The following CD109 variants were observed in gnomAD, a reference collection of about 807,000 sequenced individuals.
CD109 encodes the protein CD109 molecule, also known as CD109 antigen.
Under a neutral mutation model 165.8 loss-of-function variants are expected in CD109, and 149 were observed. That is an observed-to-expected ratio of 0.90 (90% CI 0.79 to 1.03). The LOEUF is 1.03. Among genes scored for constraint, CD109 ranks in the 50% least tolerant of loss-of-function variants. The probability of loss-of-function intolerance (pLI) is 0.00; values close to 1 mark genes in which losing one functional copy is unlikely to be tolerated. For synonymous variants in CD109, 585 were observed against 592.1 expected, an observed-to-expected ratio of 0.99 and a Z score of 0.18; for missense variants, 1,712 against 1,677.8, an observed-to-expected ratio of 1.02 and a Z score of -0.36.
chr6:73,681,888 C>T, the CD109 span, among the ~76,000 whole-genome samples: 1 of 152,096 alleles, frequency 6.6e-6, no homozygotes, highest in Non-Finnish European at 1.5e-5. Context: ...CAGGTCTGAG[C>T]CACCGCACCT....
intron 2 of CD109, among the ~76,000 whole-genome samples, chr6:73,706,549 G>A (rs1190089074): frequency 2.0e-5 from 3 of 152,174 alleles, no homozygotes; most frequent in African/African-American, 7.2e-5. Context: ...AACTTGTCTA[G>A]GAGGATTAAA....
At chr6:73,806,723 G>C in intron 24 of CD109, 121 bp from the exon 25 acceptor site, 1 of 661,078 alleles carries the variant, frequency 1.5e-6, no homozygotes, top group Non-Finnish European at 2.5e-6. Context: ...TCCATCTTCA[G>C]TGATTCCCCC....
intron 14 of CD109, 62 bp downstream of exon 14, chr6:73,768,293 A>T: frequency 3.0e-6 from 3 of 1,010,108 alleles, no homozygotes; most frequent in Non-Finnish European, 4.4e-6. Context: ...TGAGAAATGT[A>T]ATATTTCTTT....
chr6:73,803,119 C>T (rs114801299), intron 23 of CD109, 101 bp from the exon 24 acceptor site: 1 of 767,138 alleles, frequency 1.3e-6, no homozygotes, highest in African/African-American at 1.8e-5. Flanking sequence ...TCTTCTTTCC[C>T]CCTCTCTGCC....
chr6:73,799,858 ATT>A (rs567805191), intron 23 of CD109, among the ~76,000 whole-genome samples: 100 of 142,444 alleles, frequency 7.0e-4, no homozygotes, highest in African/African-American at 2.0e-3. Flanking sequence ...TCCCCCCGCA[ATT>A]TTTTTTTTTT....
At chr6:73,805,605 TC>T (rs1443102530) in intron 24 of CD109, among the ~76,000 whole-genome samples, 1 of 152,178 alleles carries the variant, frequency 6.6e-6, no homozygotes, top group East Asian at 1.9e-4. Context: ...GTCAGGTCTT[TC>T]CCTTCCCACG....
chr6:73,820,619 T>C (rs1776075516), intron 32 of CD109, 56 bp downstream of exon 32: 2 of 1,086,762 alleles, frequency 1.8e-6, no homozygotes, highest in Admixed American at 4.2e-5. Context: ...CATTCATTCA[T>C]TTATTGGAAG....
In CD109 at chr6:73,733,261, G is replaced by A. The variant is rs181903191; in HGVS notation, c.507+2687G>A. Among the ~76,000 whole-genome samples the A allele has an allele frequency of 6.6e-5, 10 of 152,304 alleles. No individual in the cohort carries two copies. The East Asian group carries it at 1.9e-3, about 29-fold the overall frequency. On this transcript the variant is annotated intron_variant, in intron 4 of 32. Coordinates refer to ENST00000287097, the MANE Select transcript of CD109 (RefSeq NM_133493.5). The stretch of plus-strand genomic sequence containing the variant: ...TGAGACAGTTGTACTCCTTGGCACA[G>A]CACCACCTGCAGGCTGATGTGGAGA...
At chr6:73,717,705 C>T (rs568300139) in intron 2 of CD109, among the ~76,000 whole-genome samples, 9 of 149,186 alleles carry the variant, frequency 6.0e-5, no homozygotes, top group South Asian at 2.2e-4. Flanking sequence ...CTGCAAACTC[C>T]GCCTCCCGGG....
chr6:73,802,257 ATG>A (rs533767572), intron 23 of CD109, among the ~76,000 whole-genome samples: 1,952 of 100,192 alleles, frequency 0.019, 55 homozygotes, highest in African/African-American at 0.049. Context: ...GCATGTGTAT[ATG>A]TGTGTGTGTG....
In CD109 at chr6:73,697,545, C is replaced by T. The variant is rs1404720308; in HGVS notation, c.220C>T (p.Leu74=). 6.2e-7 allele frequency: 1 copy of T among 1,613,874 alleles called. No homozygotes were observed. Among genetic ancestry groups the T allele is most frequent in the Non-Finnish European group, 8.5e-7 (1 of 1,179,948 alleles). Residue 74 remains leucine (L), a synonymous_variant, in exon 2 of 33, where the codon CTG becomes TTG. Transcript: ENST00000287097. ...AGCATCAAACCTCACTGTCTCTGTCCTGGAAGCAGAAGGAGTCTTTGAAAA... is the reference window on the plus strand; with the variant it reads ...AGCATCAAACCTCACTGTCTCTGTCTTGGAAGCAGAAGGAGTCTTTGAAAA... ...KTASNLTVSV[L]EAEGVFEKGS...
At chr6:73,782,342 G>C (rs1466341312) in intron 17 of CD109, among the ~76,000 whole-genome samples, 4 of 152,136 alleles carry the variant, frequency 2.6e-5, no homozygotes, top group African/African-American at 9.7e-5. Context: ...TTCAGTCTCA[G>C]TTTTTACCCA....
upstream of CD109, among the ~76,000 whole-genome samples, chr6:73,693,355 G>C (rs894890656): frequency 1.3e-5 from 2 of 152,056 alleles, no homozygotes; most frequent in African/African-American, 4.8e-5. Flanking sequence ...ACCAATTCTT[G>C]TGGGAACTGA....
intron 15 of CD109, among the ~76,000 whole-genome samples, chr6:73,776,391 T>C (rs919041167): frequency 6.6e-6 from 1 of 151,854 alleles, no homozygotes; most frequent in African/African-American, 2.4e-5. Flanking sequence ...TAGCTGGGAC[T>C]ACAGGTGTCG....
intron 21 of CD109, among the ~76,000 whole-genome samples, chr6:73,787,828 G>A (rs1301692284): frequency 1.3e-5 from 2 of 152,148 alleles, no homozygotes; most frequent in African/African-American, 2.4e-5. Context: ...AGACATTCTA[G>A]ACAGAAAGAT....
intron 29 of CD109, among the ~76,000 whole-genome samples, chr6:73,814,592 T>A (rs142999324): frequency 5.2e-4 from 79 of 152,276 alleles, no homozygotes; most frequent in African/African-American, 1.7e-3. Context: ...TACTGAGAGT[T>A]TTTGAAGTTC....
rs1776231981 is a variant in CD109 at position 73,825,161 on chromosome 6, A to G, written c.*1528A>G. On this transcript the variant is annotated 3_prime_UTR_variant, in exon 33 of 33. Transcript: ENST00000287097. ...ATTGCTTATGGATATTTTGGATACC[A>G]AAGTAGGAATAACTGACATTCAGTA... 6.6e-6 allele frequency: 1 copy of G among 152,244 alleles called. No individual in the cohort carries two copies. The highest frequency in any genetic ancestry group is 2.4e-5 in the African/African-American group (1 of 41,456). 9.4% of individuals were successfully genotyped at this position (152,244 alleles called of 1,614,324 possible).
chr6:73,702,762 A>T (rs1771128832), intron 2 of CD109, among the ~76,000 whole-genome samples: 1 of 152,230 alleles, frequency 6.6e-6, no homozygotes, highest in Admixed American at 6.5e-5. Flanking sequence ...TTTCTGCCTT[A>T]TACAATTATA....
At chr6:73,722,414 A>G (rs560999916) in intron 2 of CD109, among the ~76,000 whole-genome samples, 2 of 152,300 alleles carry the variant, frequency 1.3e-5, no homozygotes, top group Non-Finnish European at 2.9e-5. Context: ...GGGCCAGTAC[A>G]TATCAAATTC....
Sources: gnomAD v4.1 joint callset for allele counts (sites outside exome capture counted in the v4.1 genomes callset) on GRCh38, gnomAD v4.1.1 for gene constraint, MANE v1.5 for transcripts, NCBI Gene and HGNC (gene_info 2026-07-23, HGNC 2026-07-21) for gene names.